The following FBXO17 variants were observed in gnomAD, a reference collection of about 807,000 sequenced individuals.
FBXO17 encodes the protein F-box only protein 17.
Under a neutral mutation model 34.1 loss-of-function variants are expected in FBXO17, and 43 were observed. That is an observed-to-expected ratio of 1.26 (90% CI 0.99 to 1.62). The LOEUF (loss-of-function observed/expected upper bound fraction) is 1.62. Ranked by LOEUF, FBXO17 falls within the 40% of genes most tolerant of loss-of-function variation. FBXO17 has a pLI of 0.00. For missense variants in FBXO17, 424 were observed against 386.7 expected (o/e 1.10, Z -0.81); for synonymous variants, 169 against 166.0 (o/e 1.02, Z -0.14).
intron 1 of FBXO17, among the ~76,000 whole-genome samples, chr19:38,969,401 C>T (rs1975361466): frequency 6.8e-6 from 1 of 146,808 alleles, no homozygotes; most frequent in Admixed American, 6.9e-5. Flanking sequence ...AAGATCCCGC[C>T]ACTGCACTCC....
Position 38,942,300 on chromosome 19 carries a change from C to A in FBXO17, c.*308G>T. ...TTTCATTGATATAGGGTCTTGCTTT[C>A]TCACCCAGGCTGGAGTGGTGGTGAA... is the stretch of plus-strand genomic sequence containing the variant. On this transcript the variant is annotated 3_prime_UTR_variant, in exon 6 of 6. Coordinates refer to ENST00000292852, the MANE Select transcript of FBXO17 (RefSeq NM_024907.7). 1.9e-5 allele frequency: 3 copies of A among 154,834 alleles called. No homozygotes were observed. Among genetic ancestry groups the A allele is most frequent in the Middle Eastern group, 3.2e-3 (1 of 310 alleles). 9.6% of individuals were successfully genotyped at this position (154,834 alleles called of 1,614,324 possible). A position where few individuals can be genotyped will look rare whatever the true frequency, so the allele number is the denominator to read the frequency against.
intron 1 of FBXO17, among the ~76,000 whole-genome samples, chr19:38,962,115 A>G (rs1975259305): frequency 6.6e-6 from 1 of 151,564 alleles, no homozygotes; most frequent in South Asian, 2.1e-4. Context: ...TTAAAAAAAA[A>G]AAAAAAAAAA....
At chr19:38,974,073 T>G (rs1026117570) in intron 1 of FBXO17, among the ~76,000 whole-genome samples, 1 of 148,318 alleles carries the variant, frequency 6.7e-6, no homozygotes. Context: ...CATATATATA[T>G]GTACATATAT....
In FBXO17 at chr19:38,944,984, C is replaced by T; in HGVS notation, c.678G>A (p.Glu226=). The T allele has an allele frequency of 6.2e-7, 1 of 1,614,200 alleles. No individual in the cohort carries two copies. The highest frequency in any genetic ancestry group is 8.5e-7 in the Non-Finnish European group (1 of 1,180,032). The change falls in exon 5 of 6, where the codon GAG becomes GAA. Residue 226 remains glutamate (E), a synonymous_variant. Coordinates refer to ENST00000292852, the MANE Select transcript of FBXO17 (RefSeq NM_024907.7). ...CTGGACCCACCTGTCGGCAGCCCCTCTCAGTCCACTGAAGGACCGGGTCAG... is the reference window on the plus strand; with the variant it reads ...CTGGACCCACCTGTCGGCAGCCCCTTTCAGTCCACTGAAGGACCGGGTCAG... ...ASPDPVLQWT[E]RGCRQVSHVF... is the part of the protein sequence containing the mutation.
Position 38,956,056 on chromosome 19 carries a change from G to A in FBXO17, c.-17-5720C>T, listed in dbSNP as rs201284202. On this transcript the variant is annotated intron_variant, in intron 1 of 5. Coordinates refer to ENST00000292852, the MANE Select transcript of FBXO17 (RefSeq NM_024907.7). ...TTAGGTGAGCGGATCACCTGAGGTC[G>A]GGAGTTCAAGACCAGCCTGGGCAAC... Among the ~76,000 whole-genome samples the A allele has an allele frequency of 4.0e-5, 6 of 151,758 alleles. No individual in the cohort carries two copies. In the South Asian group the frequency reaches 6.3e-4, roughly 16 times the overall value.
At chr19:38,960,832 A>C (rs1426149685) in intron 1 of FBXO17, among the ~76,000 whole-genome samples, 2 of 134,660 alleles carry the variant, frequency 1.5e-5, no homozygotes, top group Admixed American at 1.6e-4. Flanking sequence ...TTTGATATGG[A>C]GTCTTGCTCT....
chr19:38,946,842 G>C, intron 3 of FBXO17: 1 of 465,980 alleles, frequency 2.1e-6, no homozygotes, highest in South Asian at 2.4e-5. Context: ...GACTACAAAT[G>C]AAGGCCACAT....
At chr19:38,956,272 A>T (rs566575620) in intron 1 of FBXO17, among the ~76,000 whole-genome samples, 1 of 152,036 alleles carries the variant, frequency 6.6e-6, no homozygotes, top group Non-Finnish European at 1.5e-5. Flanking sequence ...TCTCAAAAAA[A>T]AAAAAAAAAG....
intron 1 of FBXO17, among the ~76,000 whole-genome samples, chr19:38,958,963 C>T (rs558720676): frequency 1.3e-4 from 20 of 152,184 alleles, no homozygotes; most frequent in African/African-American, 4.3e-4. Context: ...AGTGTAGTGG[C>T]GTGATTATGG....
chr19:38,945,202 C>G, intron 4 of FBXO17, 98 bp from the exon 5 acceptor site: 2 of 1,498,320 alleles, frequency 1.3e-6, no homozygotes, highest in Non-Finnish European at 1.8e-6. Context: ...TGATGAAGGT[C>G]CTGCACATCT....
chr19:38,955,253 G>C lies in FBXO17; in HGVS notation c.-17-4917C>G, dbSNP rs941572051. Among the ~76,000 whole-genome samples the C allele has an allele frequency of 3.3e-5, 5 of 151,878 alleles. No individual in the cohort carries two copies. In the South Asian group the frequency reaches 1.0e-3, roughly 32 times the overall value. Reference sequence around the variant, plus strand: ...GCCTTTTATTTTTATTTTTGAGACAGGGTCTTGCTTCTTCACTCGGGTGGG... The same window carrying C: ...GCCTTTTATTTTTATTTTTGAGACACGGTCTTGCTTCTTCACTCGGGTGGG... On this transcript the variant is annotated intron_variant, in intron 1 of 5. Transcript: ENST00000292852.
chr19:38,970,396 TG>T (rs1364599355), intron 1 of FBXO17, among the ~76,000 whole-genome samples: 4 of 151,516 alleles, frequency 2.6e-5, no homozygotes, highest in Non-Finnish European at 5.9e-5. Context: ...TTAGTAGAGA[TG>T]GGGTTTCACC....
intron 1 of FBXO17, among the ~76,000 whole-genome samples, chr19:38,969,252 G>A (rs1029360550): frequency 5.3e-5 from 8 of 151,704 alleles, no homozygotes; most frequent in Non-Finnish European, 7.4e-5. Context: ...AGTTCAAGAC[G>A]AGCCTGGGCA....
chr19:38,973,427 C>T (rs1224230444), intron 1 of FBXO17, among the ~76,000 whole-genome samples: 1 of 152,152 alleles, frequency 6.6e-6, no homozygotes, highest in African/African-American at 2.4e-5. Flanking sequence ...CCCCTGCTGT[C>T]TCTAGCAGGT....
intron 1 of FBXO17, among the ~76,000 whole-genome samples, chr19:38,970,216 A>T (rs7258316): frequency 0.32 from 47,902 of 150,380 alleles, 8,030 homozygotes; most frequent in South Asian, 0.48. Context: ...AAAAAAAAAA[A>T]TTTTTTTTTG....
At chr19:38,949,773 C>T in intron 2 of FBXO17, 198 bp downstream of exon 2, 1 of 668,270 alleles carries the variant, frequency 1.5e-6, no homozygotes, top group Non-Finnish European at 2.4e-6. Context: ...CCCGCCCACT[C>T]GTTCGGATTC....
chr19:38,956,319 T>C (rs1975167307), intron 1 of FBXO17, among the ~76,000 whole-genome samples: 4 of 152,072 alleles, frequency 2.6e-5, no homozygotes, highest in Admixed American at 2.0e-4. Flanking sequence ...CATGGACTAC[T>C]TGCCTGACAC....
chr19:38,954,895 T>C lies in FBXO17; in HGVS notation c.-17-4559A>G, dbSNP rs1325117553. 2.0e-3 allele frequency among the ~76,000 whole-genome samples: 273 copies of C among 134,232 alleles called. 4 individuals are homozygous for C. Among genetic ancestry groups the C allele is most frequent in the African/African-American group, 7.5e-3 (261 of 34,786 alleles). The allele number at this position is 134,232 out of a possible 152,430, so 88.1% of individuals were successfully genotyped here. A position where few individuals can be genotyped will look rare whatever the true frequency, so the allele number is the denominator to read the frequency against. ...TGCGCCTGCCCTGACAATGTGTTAT[T>C]TTATTATTATTATTATTATTATTAT... On this transcript the variant is annotated intron_variant, in intron 1 of 5. Coordinates refer to ENST00000292852, the MANE Select transcript of FBXO17 (RefSeq NM_024907.7).
At chr19:38,946,350 C>T in intron 4 of FBXO17, 122 bp downstream of exon 4, 1 of 1,481,754 alleles carries the variant, frequency 6.7e-7, no homozygotes, top group South Asian at 1.3e-5. Context: ...TCAGCCTCAT[C>T]ACAAAGGGTG....
Sources: allele counts gnomAD v4.1 joint callset (sites outside exome capture counted in the v4.1 genomes callset), GRCh38; gene constraint gnomAD v4.1.1; transcripts MANE v1.5; gene names NCBI Gene and HGNC (gene_info 2026-07-23, HGNC 2026-07-21).